The following CBFA2T3 variants were observed in gnomAD, a reference collection of about 807,000 sequenced individuals.
CBFA2T3 encodes the protein CBFA2/RUNX1 partner transcriptional co-repressor 3, also known as transcriptional corepressor CBFA2T3.
Under a neutral mutation model 58.6 loss-of-function variants are expected in CBFA2T3, and 31 were observed. The ratio of observed to expected loss-of-function variants is 0.53; its 90% CI spans 0.40 to 0.71. The LOEUF is 0.71. Among genes scored for constraint, CBFA2T3 ranks in the 30% least tolerant of loss-of-function variants. The pLI, the probability that CBFA2T3 is intolerant of heterozygous loss-of-function variation, is 0.00. For missense variants in CBFA2T3, 1,076 were observed against 963.1 expected (o/e 1.12, Z -1.55); for synonymous variants, 531 against 421.9 (o/e 1.26, Z -3.17).
intron 1 of CBFA2T3, among the ~76,000 whole-genome samples, chr16:88,903,397 T>C (rs1970175696): frequency 6.6e-6 from 1 of 151,694 alleles, no homozygotes; most frequent in Admixed American, 6.6e-5. Context: ...TGGGGAGTGG[T>C]GGGGGGAGGA....
chr16:88,917,794 T>C (rs1157748919), intron 1 of CBFA2T3, among the ~76,000 whole-genome samples: 3 of 152,114 alleles, frequency 2.0e-5, no homozygotes, highest in East Asian at 1.9e-4. Context: ...TGCGCACGTA[T>C]GACACACACA....
At chr16:88,947,430 A>G (rs987731387) in intron 1 of CBFA2T3, among the ~76,000 whole-genome samples, 11 of 152,190 alleles carry the variant, frequency 7.2e-5, no homozygotes, top group African/African-American at 2.7e-4. Context: ...TTTTATCCTA[A>G]TATGTTTTCA....
chr16:88,940,972 G>C lies in CBFA2T3; in HGVS notation c.151+35685C>G, dbSNP rs527822679. The C allele has an allele frequency of 3.3e-5, 30 of 898,948 alleles. No homozygotes were observed. The South Asian group carries it at 1.4e-3, about 42-fold the overall frequency. The allele number at this position is 898,948 out of a possible 1,614,324, so 55.7% of individuals were successfully genotyped here. On this transcript the variant is annotated intron_variant, in intron 1 of 11. Transcript: ENST00000268679. ...GATCCGGGAACGGCAGCCGCGGGCG[G>C]AGTCGGGGTAGAGCGGCGGCGGCGC... is the stretch of plus-strand genomic sequence containing the variant.
At position 88,876,906 on chromosome 16, in the gene CBFA2T3, G is replaced by C; in HGVS notation, c.*70C>G. ...GGCCAGGCATCGGAGGCCAGGCACA[G>C]CATCCGGTGGGCCTGGAGCTGGGTG... is the stretch of plus-strand genomic sequence containing the variant. On this transcript the variant is annotated 3_prime_UTR_variant, in exon 12 of 12. Coordinates refer to ENST00000268679, the MANE Select transcript of CBFA2T3 (RefSeq NM_005187.6). 2 of 1,225,588 alleles carry C rather than the reference G, an allele frequency of 1.6e-6. No homozygotes were observed. Among genetic ancestry groups the C allele is most frequent in the Non-Finnish European group, 2.1e-6 (2 of 932,970 alleles). The allele number at this position is 1,225,588 out of a possible 1,614,324, so 75.9% of individuals were successfully genotyped here. A position where few individuals can be genotyped will look rare whatever the true frequency, so the allele number is the denominator to read the frequency against.
intron 1 of CBFA2T3, among the ~76,000 whole-genome samples, chr16:88,945,846 C>G (rs1971888221): frequency 6.6e-6 from 1 of 152,248 alleles, no homozygotes; most frequent in South Asian, 2.1e-4. Flanking sequence ...AAACTAATGT[C>G]CACACAAAAC....
At chr16:88,946,640 G>T (rs149671938) in intron 1 of CBFA2T3, among the ~76,000 whole-genome samples, 1 of 151,754 alleles carries the variant, frequency 6.6e-6, no homozygotes, top group Non-Finnish European at 1.5e-5. Flanking sequence ...CCACCATCAC[G>T]CCCAGCTAAT....
chr16:88,900,715 A>G (rs1044425083), intron 2 of CBFA2T3, among the ~76,000 whole-genome samples: 3 of 152,228 alleles, frequency 2.0e-5, no homozygotes, highest in African/African-American at 7.2e-5. Flanking sequence ...CCCAGCCTTG[A>G]GGGACAGGGA....
chr16:88,896,409 C>G (rs12597108), intron 3 of CBFA2T3, among the ~76,000 whole-genome samples: 1 of 152,000 alleles, frequency 6.6e-6, no homozygotes, highest in Non-Finnish European at 1.5e-5. Context: ...CTGGAGCGCG[C>G]GGCACCGATA....
At chr16:88,965,037 C>CTCCA (rs987127297) in intron 1 of CBFA2T3, among the ~76,000 whole-genome samples, 11 of 148,078 alleles carry the variant, frequency 7.4e-5, no homozygotes, top group East Asian at 2.1e-4. Flanking sequence ...CTATGCACTT[C>CTCCA]TCCATCCATC....
chr16:88,878,147 T>G (rs910137172), intron 11 of CBFA2T3, among the ~76,000 whole-genome samples: 1 of 152,360 alleles, frequency 6.6e-6, no homozygotes, highest in African/African-American at 2.4e-5. Context: ...TCTGCTCAGG[T>G]GTCACCTGCC....
chr16:88,895,478 C>T (rs1969848623), intron 3 of CBFA2T3, among the ~76,000 whole-genome samples: 1 of 152,170 alleles, frequency 6.6e-6, no homozygotes, highest in Middle Eastern at 3.2e-3. Context: ...TCCGAGGAAC[C>T]GAAGACACAC....
At chr16:88,969,805 C>T (rs530210552) in intron 1 of CBFA2T3, among the ~76,000 whole-genome samples, 46 of 152,326 alleles carry the variant, frequency 3.0e-4, no homozygotes, top group Non-Finnish European at 5.9e-4. Context: ...ACCGTGGACC[C>T]GGTCCAGTTA....
rs1597727156 is a variant in CBFA2T3 at position 88,919,407 on chromosome 16, G to A, written c.152-17751C>T. On this transcript the variant is annotated intron_variant, in intron 1 of 11. Transcript: ENST00000268679. ...GAAAGTAAATATGGCCTTGCTGAGA[G>A]AATTAAATTTACGTTCAAGTGCTAT... Among the ~76,000 whole-genome samples the A allele has an allele frequency of 2.0e-5, 3 of 152,336 alleles. No individual in the cohort carries two copies. In the East Asian group the frequency reaches 5.8e-4, roughly 29 times the overall value.
intron 1 of CBFA2T3, among the ~76,000 whole-genome samples, chr16:88,952,004 C>T (rs1237085184): frequency 1.3e-5 from 2 of 152,186 alleles, no homozygotes; most frequent in Non-Finnish European, 2.9e-5. Flanking sequence ...GGCACAGACC[C>T]TTGGCCCAGG....
intron 3 of CBFA2T3, among the ~76,000 whole-genome samples, chr16:88,893,860 C>T (rs2968469): frequency 0.25 from 38,015 of 152,120 alleles, 5,382 homozygotes; most frequent in East Asian, 0.45. Context: ...ACCCGCACCC[C>T]GTGCCCTTGG....
chr16:88,901,251 G>A (rs1035142902), intron 2 of CBFA2T3, among the ~76,000 whole-genome samples: 9 of 152,340 alleles, frequency 5.9e-5, no homozygotes, highest in African/African-American at 2.2e-4. Context: ...CACAGCCCTG[G>A]GAGGACCTGC....
chr16:88,957,180 C>A (rs1479143725), intron 1 of CBFA2T3, among the ~76,000 whole-genome samples: 1 of 152,240 alleles, frequency 6.6e-6, no homozygotes, highest in Non-Finnish European at 1.5e-5. Context: ...TCACTCCTCC[C>A]CCATCGACCC....
Position 88,914,522 on chromosome 16 carries a change from G to C in CBFA2T3, c.152-12866C>G, listed in dbSNP as rs187541721. Among the ~76,000 whole-genome samples the C allele has an allele frequency of 3.7e-3, 557 of 152,350 alleles. 1 individual carries two copies. The highest frequency in any genetic ancestry group is 0.013 in the African/African-American group (534 of 41,588). On this transcript the variant is annotated intron_variant, in intron 1 of 11. Transcript: ENST00000268679. The stretch of plus-strand genomic sequence containing the variant: ...AAAAACACGCACAGAAAGACGACTA[G>C]ACCAAAAATGTGATCGTGGTTGCCG...
rs1453338535 is a variant in CBFA2T3 at position 88,875,805 on chromosome 16, T to C, written c.*1171A>G. On this transcript the variant is annotated 3_prime_UTR_variant, in exon 12 of 12. Coordinates refer to ENST00000268679, the MANE Select transcript of CBFA2T3 (RefSeq NM_005187.6). ...TATGCTCTCTCTGGGAAGAAAACTT[T>C]AGCACTTTTTTTCCACAAGTGGAAA... 8.6e-6 allele frequency: 2 copies of C among 233,422 alleles called. No homozygotes were observed. The highest frequency in any genetic ancestry group is 1.7e-5 in the Non-Finnish European group (2 of 118,034). 14.5% of individuals were successfully genotyped at this position (233,422 alleles called of 1,614,324 possible).
Sources: allele counts gnomAD v4.1 joint callset (sites outside exome capture counted in the v4.1 genomes callset), GRCh38; gene constraint gnomAD v4.1.1; transcripts MANE v1.5; gene names NCBI Gene and HGNC (gene_info 2026-07-23, HGNC 2026-07-21).